The following PFDN6 variants were observed in gnomAD, a reference collection of about 807,000 sequenced individuals.
The protein encoded by PFDN6 is HLA class II region expressed gene KE2.
Under a neutral mutation model 19.3 loss-of-function variants are expected in PFDN6, and 5 were observed. The observed-to-expected ratio is 0.26, with a 90% CI of 0.14 to 0.55. The LOEUF is 0.55. Ranked by LOEUF, PFDN6 falls within the 20% of genes least tolerant of loss-of-function variation. The probability of loss-of-function intolerance (pLI) is 0.94; values close to 1 mark genes in which losing one functional copy is unlikely to be tolerated. For synonymous variants in PFDN6, 51 were observed against 63.4 expected (o/e 0.80, Z 0.93); for missense variants, 101 against 149.4 (o/e 0.68, Z 1.69).
upstream of PFDN6, chr6:33,289,236 A>T: frequency 6.4e-7 from 1 of 1,555,704 alleles, no homozygotes; most frequent in Non-Finnish European, 8.7e-7. Flanking sequence ...CGGCTTGAAA[A>T]CTCCCGGAAG....
At chr6:33,289,474 G>A (rs908611184), upstream of PFDN6, 31 of 1,280,746 alleles carry the variant, frequency 2.4e-5, no homozygotes, top group African/African-American at 4.6e-4. Context: ...GCCTAAAAAT[G>A]TCCTAGTCTA....
chr6:33,290,027 C>A, intron 1 of PFDN6, 107 bp downstream of exon 1: 2 of 1,292,412 alleles, frequency 1.5e-6, no homozygotes, highest in Non-Finnish European at 2.2e-6. Context: ...CAGAGACTTC[C>A]CCGCCTCAGT....
At position 33,290,805 on chromosome 6, in the gene PFDN6, G is replaced by A; in HGVS notation, c.350G>A (p.Arg117Gln). 2 of 1,605,008 alleles carry A rather than the reference G, an allele frequency of 1.2e-6. No homozygotes were observed. The highest frequency in any genetic ancestry group is 1.7e-6 in the Non-Finnish European group (2 of 1,179,862). The change falls in exon 4 of 4, where the codon CGG becomes CAG. Residue 117 changes from arginine to glutamine, a missense_variant. Physicochemically the swap from Arg to Gln is conservative, Grantham distance 43. Around this residue, in one of 2 missense-constraint regions of PFDN6, gnomAD observed 47 missense variants for 40.6 expected, o/e 1.16. Coordinates refer to ENST00000374606, the MANE Select transcript of PFDN6 (RefSeq NM_001185181.3). ...GCTCAGCTGCAGCAGGAGTTCCAGC[G>A]GGCCCAGGCAGCAAAGGCAGGGGCT... Reference protein sequence around the residue: ...TLAQLQQEFQRAQAAKAGAPG... With the variant: ...TLAQLQQEFQQAQAAKAGAPG...
At chr6:33,289,273 C>A, upstream of PFDN6, 1 of 1,514,516 alleles carries the variant, frequency 6.6e-7, no homozygotes, top group Non-Finnish European at 8.8e-7. Context: ...CAATCAGCAG[C>A]GTACCAGGTA....
chr6:33,289,852 C>T lies in PFDN6; in HGVS notation c.-5C>T, dbSNP rs754377149. The T allele has an allele frequency of 2.5e-6, 4 of 1,593,394 alleles. No homozygotes were observed. The highest frequency in any genetic ancestry group is 3.4e-6 in the Non-Finnish European group (4 of 1,171,190). On this transcript the variant is annotated 5_prime_UTR_variant, in exon 1 of 4. Coordinates refer to ENST00000374606, the MANE Select transcript of PFDN6 (RefSeq NM_001185181.3). ...TCTCGCACCCAGTAGGCTTTCATCCCCGCCATGGCGGAGCTGATCCAGAAG... is the reference window on the plus strand; with the variant it reads ...TCTCGCACCCAGTAGGCTTTCATCCTCGCCATGGCGGAGCTGATCCAGAAG...
chr6:33,290,909 G>A lies in PFDN6; in HGVS notation c.*64G>A. The A allele has an allele frequency of 6.9e-7, 1 of 1,447,910 alleles. No individual in the cohort carries two copies. The highest frequency in any genetic ancestry group is 1.2e-5 in the South Asian group (1 of 81,944). The allele number at this position is 1,447,910 out of a possible 1,614,324, so 89.7% of individuals were successfully genotyped here. A position where few individuals can be genotyped will look rare whatever the true frequency, so the allele number is the denominator to read the frequency against. ...AGGCAGCTCTAGGATCTATACTGTA[G>A]CTAATAAAATGTAAAAACACCTGGC... On this transcript the variant is annotated 3_prime_UTR_variant, in exon 4 of 4. Transcript: ENST00000374606.
In PFDN6 at chr6:33,289,714, G is replaced by A; in HGVS notation, c.-143G>A. 3.1e-6 allele frequency: 2 copies of A among 635,822 alleles called. No homozygotes were observed. The highest frequency in any genetic ancestry group is 3.0e-5 in the South Asian group (1 of 33,630). 39.4% of individuals were successfully genotyped at this position (635,822 alleles called of 1,614,324 possible). On this transcript the variant is annotated 5_prime_UTR_variant, in exon 1 of 4. Transcript: ENST00000374606. ...GGGTGGAGTCGATATCCGGGACGGG[G>A]GGGAGGTTGCGGTGCCCCTCAGGGC...
At position 33,290,749 on chromosome 6, in the gene PFDN6, G is replaced by A. The variant is rs1451740479; in HGVS notation, c.294G>A (p.Glu98=). ...ACGAATCCCAGCTTCGGGATCTTGA[G>A]CGGCAGTCAGAGCAACAGAGGGAGA... is the stretch of plus-strand genomic sequence containing the variant. ...KRYESQLRDL[E]RQSEQQRETL... Residue 98 remains glutamate (E), a synonymous_variant, in exon 4 of 4, where the codon GAG becomes GAA. Transcript: ENST00000374606. The A allele has an allele frequency of 2.5e-6, 4 of 1,612,434 alleles. No homozygotes were observed. Among genetic ancestry groups the A allele is most frequent in the Admixed American group, 1.7e-5 (1 of 60,004 alleles).
rs755907921 is a variant in PFDN6 at position 33,290,708 on chromosome 6, C to G, written c.261-8C>G. 5 of 1,613,172 alleles carry G rather than the reference C, an allele frequency of 3.1e-6. No individual in the cohort carries two copies. Among genetic ancestry groups the G allele is most frequent in the South Asian group, 2.2e-5 (2 of 91,068 alleles). ...CCCTTTCTGCTTGTCTCCCTTGTCT[C>G]TCCTTAGTAAGCGATACGAATCCCA... On this transcript the variant is annotated splice_region_variant and splice_polypyrimidine_tract_variant and intron_variant, in intron 3 of 3. Coordinates refer to ENST00000374606, the MANE Select transcript of PFDN6 (RefSeq NM_001185181.3).
intron 3 of PFDN6, 45 bp downstream of exon 3, chr6:33,290,495 GTGAACCATTGGAGTAGAGGTGT>G (rs747785275): frequency 5.2e-5 from 80 of 1,526,362 alleles, no homozygotes; most frequent in Non-Finnish European, 6.6e-5. Flanking sequence ...TGTGATGCAA[GTGAACCATTGGAGTAGAGGTGT>G]TGAACCATTG....
In PFDN6 at chr6:33,289,710, C is replaced by CG. The variant is rs1325999577; in HGVS notation, c.-140dup. 9.3e-5 allele frequency: 58 copies of CG among 622,410 alleles called. No homozygotes were observed. The highest frequency in any genetic ancestry group is 3.1e-4 in the South Asian group (10 of 32,578). The allele number at this position is 622,410 out of a possible 1,614,324, so 38.6% of individuals were successfully genotyped here. A position where few individuals can be genotyped will look rare whatever the true frequency, so the allele number is the denominator to read the frequency against. On this transcript the variant is annotated 5_prime_UTR_variant, in exon 1 of 4. Transcript: ENST00000374606. Reference sequence around the variant, plus strand: ...GACAGGGTGGAGTCGATATCCGGGACGGGGGGGAGGTTGCGGTGCCCCTCA... The same window carrying CG: ...GACAGGGTGGAGTCGATATCCGGGACGGGGGGGGAGGTTGCGGTGCCCCTCA...
Position 33,290,712 on chromosome 6 carries a change from T to C in PFDN6, c.261-4T>C, listed in dbSNP as rs1767280446. Reference sequence around the variant, plus strand: ...TTCTGCTTGTCTCCCTTGTCTCTCCTTAGTAAGCGATACGAATCCCAGCTT... The same window carrying C: ...TTCTGCTTGTCTCCCTTGTCTCTCCCTAGTAAGCGATACGAATCCCAGCTT... On this transcript the variant is annotated splice_region_variant and splice_polypyrimidine_tract_variant and intron_variant, in intron 3 of 3. Coordinates refer to ENST00000374606, the MANE Select transcript of PFDN6 (RefSeq NM_001185181.3). 1.2e-6 allele frequency: 2 copies of C among 1,613,360 alleles called. No individual in the cohort carries two copies. The highest frequency in any genetic ancestry group is 1.3e-5 in the African/African-American group (1 of 75,014).
Position 33,290,449 on chromosome 6 carries a change from A to C in PFDN6, c.259A>C (p.Ile87Leu), listed in dbSNP as rs1249138186. 3 of 1,546,842 alleles carry C rather than the reference A, an allele frequency of 1.9e-6. No homozygotes were observed. Among genetic ancestry groups the C allele is most frequent in the Non-Finnish European group, 2.6e-6 (3 of 1,147,714 alleles). ...GKRLDYITAEIKRYESQLRDL... is the reference protein window; with the variant it reads ...GKRLDYITAELKRYESQLRDL... ...GAGGCTGGACTATATCACAGCTGAA[A>C]TGTGAGTTTTTATTCCACCACCGTG... The change falls in exon 3 of 4, where the codon ATT (isoleucine) becomes CTT (leucine). Residue 87 changes from isoleucine (I) to leucine (L), a missense_variant and splice_region_variant. Ile to Leu is a conservative substitution (Grantham distance 5). Coordinates refer to ENST00000374606, the MANE Select transcript of PFDN6 (RefSeq NM_001185181.3).
upstream of PFDN6, chr6:33,289,502 C>T: frequency 8.4e-7 from 1 of 1,197,542 alleles, no homozygotes; most frequent in African/African-American, 1.6e-5. Flanking sequence ...TAGCAGAACT[C>T]CACTCCCTAA....
In PFDN6 at chr6:33,290,469, AC is replaced by A; in HGVS notation, c.260+21del. 1 of 1,540,828 alleles carries A rather than the reference AC, an allele frequency of 6.5e-7. No individual in the cohort carries two copies. The highest frequency in any genetic ancestry group is 8.7e-7 in the Non-Finnish European group (1 of 1,143,866). ...CTGAAATGTGAGTTTTTATTCCACC[AC>A]CGTGTGCTGCACCCTGTGATGCAAG... On this transcript the variant is annotated intron_variant, in intron 3 of 3. Coordinates refer to ENST00000374606, the MANE Select transcript of PFDN6 (RefSeq NM_001185181.3).
intron 3 of PFDN6, 58 bp downstream of exon 3, chr6:33,290,508 G>A (rs1323663949): frequency 1.3e-6 from 2 of 1,524,130 alleles, no homozygotes; most frequent in African/African-American, 2.8e-5. Context: ...AACCATTGGA[G>A]TAGAGGTGTT....
chr6:33,289,349 G>T, upstream of PFDN6: 1 of 1,348,206 alleles, frequency 7.4e-7, no homozygotes, highest in South Asian at 2.1e-5. Flanking sequence ...ACAGTTTTTG[G>T]CACCTTATCG....
At chr6:33,290,265 G>C in intron 2 of PFDN6, 21 bp downstream of exon 2, 1 of 1,614,124 alleles carries the variant, frequency 6.2e-7, no homozygotes, top group Non-Finnish European at 8.5e-7. Flanking sequence ...GGGATTTGTG[G>C]GGCGAGGAGG....
At chr6:33,290,679 TTCTCCCTTTCTGCTTG>T (rs772967434) in intron 3 of PFDN6, 21 bp from the exon 4 acceptor site, 1 of 1,607,598 alleles carries the variant, frequency 6.2e-7, no homozygotes. Flanking sequence ...TCCTACTAAT[TTCTCCCTTTCTGCTTG>T]TCTCCCTTGT....
Sources: gnomAD v4.1 joint callset for allele counts on GRCh38, gnomAD v4.1.1 for gene constraint, gnomAD v4.1.1 regional missense constraint, MANE v1.5 for transcripts, NCBI Gene and HGNC (gene_info 2026-07-23, HGNC 2026-07-21) for gene names.